The following CHST8 variants were observed in gnomAD, a reference collection of about 807,000 sequenced individuals.
CHST8 encodes the protein carbohydrate sulfotransferase 8.
Under a neutral mutation model 15.0 loss-of-function variants are expected in CHST8, and 10 were observed. The observed-to-expected ratio is 0.67, with a 90% confidence interval of 0.41 to 1.13. CHST8 has a LOEUF of 1.13. CHST8 is among the 50% of genes most tolerant of loss of function. The pLI, the probability that CHST8 is intolerant of heterozygous loss-of-function variation, is 0.00. For missense variants in CHST8, 634 were observed against 608.2 expected (o/e 1.04, Z -0.45); for synonymous variants, 259 against 256.6 (o/e 1.01, Z -0.09).
chr19:33,627,699 C>A (rs112657662), intron 1 of CHST8, among the ~76,000 whole-genome samples: 3 of 152,216 alleles, frequency 2.0e-5, no homozygotes, highest in Admixed American at 2.0e-4. Context: ...GAATCATCAA[C>A]GTTGAAACCT....
At chr19:33,678,339 G>C (rs1374035826) in intron 2 of CHST8, among the ~76,000 whole-genome samples, 3 of 152,160 alleles carry the variant, frequency 2.0e-5, no homozygotes, top group Non-Finnish European at 4.4e-5. Context: ...TTTCCACAGA[G>C]CATCCAGGAT....
chr19:33,677,761 C>T (rs1972828624), intron 2 of CHST8, among the ~76,000 whole-genome samples: 1 of 152,208 alleles, frequency 6.6e-6, no homozygotes, highest in Non-Finnish European at 1.5e-5. Context: ...TCCCCTCTGT[C>T]AGATAAAAGC....
At chr19:33,728,413 T>C (rs968054705) in intron 3 of CHST8, among the ~76,000 whole-genome samples, 1 of 152,202 alleles carries the variant, frequency 6.6e-6, no homozygotes, top group Non-Finnish European at 1.5e-5. Flanking sequence ...TAGGACTACA[T>C]GTCACACCCC....
At chr19:33,722,271 A>T (rs897948880) in intron 3 of CHST8, among the ~76,000 whole-genome samples, 2 of 150,456 alleles carry the variant, frequency 1.3e-5, no homozygotes, top group Non-Finnish European at 3.0e-5. Flanking sequence ...TGATAGATGA[A>T]TGGATGGATG....
At chr19:33,747,747 G>A (rs284685) in intron 3 of CHST8, among the ~76,000 whole-genome samples, 57,597 of 151,968 alleles carry the variant, frequency 0.38, 11,100 homozygotes, top group Middle Eastern at 0.43. Flanking sequence ...TGTTTTCTTC[G>A]TCTTTATAGT....
intron 2 of CHST8, among the ~76,000 whole-genome samples, chr19:33,669,512 T>A (rs1485708943): frequency 6.6e-6 from 1 of 152,196 alleles, no homozygotes; most frequent in Admixed American, 6.5e-5. Flanking sequence ...TTTTATTTCT[T>A]CCTGCAAAGC....
chr19:33,701,198 C>G (rs929017828), intron 3 of CHST8, among the ~76,000 whole-genome samples: 3 of 152,046 alleles, frequency 2.0e-5, no homozygotes, highest in African/African-American at 7.3e-5. Flanking sequence ...GAGCCCAGGC[C>G]GTTCCCCTTA....
At chr19:33,673,158 T>G (rs967151988) in intron 2 of CHST8, among the ~76,000 whole-genome samples, 3 of 152,228 alleles carry the variant, frequency 2.0e-5, no homozygotes, top group African/African-American at 7.2e-5. Context: ...GTGTCGTGGC[T>G]GGGAGGACAC....
chr19:33,666,828 G>A (rs184675177), intron 1 of CHST8, among the ~76,000 whole-genome samples: 21 of 152,156 alleles, frequency 1.4e-4, no homozygotes, highest in Admixed American at 1.2e-3. Flanking sequence ...TCAGCCTCCC[G>A]CGTAGCTGGG....
chr19:33,686,952 C>T (rs773258083), intron 2 of CHST8, among the ~76,000 whole-genome samples: 11 of 152,270 alleles, frequency 7.2e-5, no homozygotes, highest in Non-Finnish European at 1.3e-4. Context: ...CAGCTGCTCC[C>T]GAGAGACCTT....
At position 33,772,286 on chromosome 19, in the gene CHST8, G is replaced by A; in HGVS notation, c.498G>A (p.Lys166=). The change falls in exon 5 of 5, where the codon AAG becomes AAA. Residue 166 remains lysine (K), a synonymous_variant. Coordinates refer to ENST00000650847, the MANE Select transcript of CHST8 (RefSeq NM_001127895.2). The part of the protein sequence containing the change: ...RKRVMQEACA[K]YRASSSRRAV... ...GGGTGATGCAGGAGGCCTGCGCCAAGTACCGGGCGAGCAGCAGCCGCCGGG... is the reference window on the plus strand; with the variant it reads ...GGGTGATGCAGGAGGCCTGCGCCAAATACCGGGCGAGCAGCAGCCGCCGGG... The A allele has an allele frequency of 6.2e-7, 1 of 1,601,994 alleles. No homozygotes were observed. The highest frequency in any genetic ancestry group is 8.5e-7 in the Non-Finnish European group (1 of 1,179,050).
At chr19:33,688,100 C>T (rs1224623363) in intron 2 of CHST8, among the ~76,000 whole-genome samples, 1 of 152,210 alleles carries the variant, frequency 6.6e-6, no homozygotes, top group Non-Finnish European at 1.5e-5. Flanking sequence ...GAGTGACTGA[C>T]CTTCAAAGCG....
At chr19:33,738,504 A>C (rs1208214945) in intron 3 of CHST8, among the ~76,000 whole-genome samples, 1 of 152,260 alleles carries the variant, frequency 6.6e-6, no homozygotes, top group Non-Finnish European at 1.5e-5. Context: ...AATGAAGCAG[A>C]AAGCCAGAAA....
At chr19:33,727,819 T>C (rs575306787) in intron 3 of CHST8, among the ~76,000 whole-genome samples, 1 of 152,370 alleles carries the variant, frequency 6.6e-6, no homozygotes, top group East Asian at 1.9e-4. Context: ...AGCCTCTGTG[T>C]GGCGTTTGCA....
At chr19:33,650,308 T>G (rs1972418780) in intron 1 of CHST8, among the ~76,000 whole-genome samples, 1 of 152,098 alleles carries the variant, frequency 6.6e-6, no homozygotes, top group Non-Finnish European at 1.5e-5. Flanking sequence ...GTTGGGGGAC[T>G]TAGGATTTTC....
intron 1 of CHST8, among the ~76,000 whole-genome samples, chr19:33,654,025 T>G (rs567817540): frequency 6.6e-6 from 1 of 152,340 alleles, no homozygotes; most frequent in South Asian, 2.1e-4. Flanking sequence ...ATTCTCTTCC[T>G]TGGAATTCAG....
At chr19:33,652,769 T>C (rs911021716) in intron 1 of CHST8, among the ~76,000 whole-genome samples, 2 of 152,232 alleles carry the variant, frequency 1.3e-5, no homozygotes, top group African/African-American at 4.8e-5. Context: ...TTCTAAAGGA[T>C]TGATTGTATG....
chr19:33,675,661 GA>G (rs1157272781), intron 2 of CHST8, among the ~76,000 whole-genome samples: 1 of 152,230 alleles, frequency 6.6e-6, no homozygotes, highest in Non-Finnish European at 1.5e-5. Flanking sequence ...GGTCAGGGCT[GA>G]GCCTTCCTGG....
At chr19:33,750,725 G>A (rs536108601) in intron 3 of CHST8, among the ~76,000 whole-genome samples, 6 of 152,286 alleles carry the variant, frequency 3.9e-5, no homozygotes, top group Admixed American at 6.5e-5. Flanking sequence ...AAAGCCTCAC[G>A]GTTCTCTTAC....
Sources: gnomAD v4.1 joint callset for allele counts (sites outside exome capture counted in the v4.1 genomes callset) on GRCh38, gnomAD v4.1.1 for gene constraint, MANE v1.5 for transcripts, NCBI Gene and HGNC (gene_info 2026-07-23, HGNC 2026-07-21) for gene names.